The following AKNA variants were observed in gnomAD, a reference collection of about 807,000 sequenced individuals.
AKNA encodes microtubule organization protein AKNA.
A neutral mutation model predicts 138.8 loss-of-function variants in AKNA; 67 were observed. The observed-to-expected ratio is 0.48, with a 90% CI of 0.40 to 0.59. AKNA has a LOEUF of 0.59. Among genes scored for constraint, AKNA ranks in the 20% least tolerant of loss-of-function variants. AKNA has a pLI of 0.00. For synonymous variants in AKNA, 737 were observed against 754.4 expected (o/e 0.98, Z 0.38); for missense variants, 1,813 against 1,880.4 (o/e 0.96, Z 0.66).
intron 4 of AKNA, among the ~76,000 whole-genome samples, chr9:114,372,755 G>A (rs1832866771): frequency 6.6e-6 from 1 of 152,178 alleles, no homozygotes; most frequent in Non-Finnish European, 1.5e-5. Context: ...GGTTTCCCCA[G>A]AGAGGATGAC....
chr9:114,372,762 T>G (rs945908364), intron 4 of AKNA, among the ~76,000 whole-genome samples: 7 of 152,182 alleles, frequency 4.6e-5, no homozygotes, highest in African/African-American at 1.7e-4. Context: ...CCAGAGAGGA[T>G]GACCTAACAA....
rs1415047393 is a variant in AKNA, at chr9:114,335,933, G to A, written c.*1121C>T. On this transcript the variant is annotated 3_prime_UTR_variant, in exon 22 of 22. Transcript: ENST00000374088. ...CTTGGCTAGGCAGCCCCACCTCAAGGCCCTCCGCAGTTGAAAGATTTATGG... is the reference window on the plus strand; with the variant it reads ...CTTGGCTAGGCAGCCCCACCTCAAGACCCTCCGCAGTTGAAAGATTTATGG... The A allele has an allele frequency of 6.6e-6, 1 of 152,222 alleles. No individual in the cohort carries two copies. Among genetic ancestry groups the A allele is most frequent in the Non-Finnish European group, 1.5e-5 (1 of 68,080 alleles). The allele number at this position is 152,222 out of a possible 1,614,324, so 9.4% of individuals were successfully genotyped here. A position where few individuals can be genotyped will look rare whatever the true frequency, so the allele number is the denominator to read the frequency against.
intron 21 of AKNA, among the ~76,000 whole-genome samples, chr9:114,339,282 G>A (rs1564613441): frequency 6.6e-6 from 1 of 152,162 alleles, no homozygotes; most frequent in Non-Finnish European, 1.5e-5. Context: ...CTGCCCAGCA[G>A]GGGGCAGCAC....
At position 114,377,398 on chromosome 9, in the gene AKNA, C is replaced by G. The variant is rs773038252; in HGVS notation, c.409G>C (p.Ala137Pro). 14 of 1,613,758 alleles carry G rather than the reference C, an allele frequency of 8.7e-6. No individual in the cohort carries two copies. The highest frequency in any genetic ancestry group is 1.2e-5 in the Non-Finnish European group (14 of 1,179,956). Residue 137 changes from alanine (A) to proline (P), a missense_variant, in exon 3 of 22, where the codon GCT becomes CCT. Coordinates refer to ENST00000374088, the MANE Select transcript of AKNA (RefSeq NM_001317950.2). The part of the protein sequence containing the change: ...GTLGSLEVEE[A>P]GESSSRLGYE... ...CCCAACCTTGAGGAGCTCTCTCCAG[C>G]CTCCTCAACCTCCAGACTTCCGAGG...
At chr9:114,348,694 A>G (rs1413649936) in intron 15 of AKNA, among the ~76,000 whole-genome samples, 6 of 152,228 alleles carry the variant, frequency 3.9e-5, no homozygotes, top group African/African-American at 1.4e-4. Flanking sequence ...CTGCATCTTC[A>G]GGGTCTTGTT....
intron 2 of AKNA, 122 bp from the exon 3 acceptor site, chr9:114,377,654 C>A: frequency 9.7e-7 from 1 of 1,030,022 alleles, no homozygotes; most frequent in Non-Finnish European, 1.4e-6. Context: ...GGAAAGAATC[C>A]CAAGGTGGTG....
chr9:114,343,703 C>G lies in AKNA; in HGVS notation c.3757+5G>C. 1.2e-6 allele frequency: 2 copies of G among 1,614,208 alleles called. No homozygotes were observed. The highest frequency in any genetic ancestry group is 1.7e-6 in the Non-Finnish European group (2 of 1,179,992). On this transcript the variant is annotated splice_donor_5th_base_variant and intron_variant, in intron 19 of 21. Transcript: ENST00000374088. ...TGGGCCAGTTTTCCAGGTGCCATTCCTTACCCGCATCCTGGGTCCTAATGG... is the reference window on the plus strand; with the variant it reads ...TGGGCCAGTTTTCCAGGTGCCATTCGTTACCCGCATCCTGGGTCCTAATGG...
chr9:114,362,452 G>A lies in AKNA; in HGVS notation c.1870C>T (p.Pro624Ser). Residue 624 changes from proline to serine, a missense_variant, in exon 8 of 22, where the codon CCG becomes TCG. Coordinates refer to ENST00000374088, the MANE Select transcript of AKNA (RefSeq NM_001317950.2). ...GGCGTCCCCTTGGAGCCGGCAAGCGGCTGGGCAGGGTGTTGCTCCCGACAA... is the reference window on the plus strand; with the variant it reads ...GGCGTCCCCTTGGAGCCGGCAAGCGACTGGGCAGGGTGTTGCTCCCGACAA... ...KACREQHPAQ[P>S]LAGSKGTPGR... is the part of the protein sequence containing the mutation. 3.7e-6 allele frequency: 6 copies of A among 1,613,084 alleles called. No individual in the cohort carries two copies. Among genetic ancestry groups the A allele is most frequent in the Non-Finnish European group, 5.1e-6 (6 of 1,179,632 alleles).
In AKNA at chr9:114,365,392, A is replaced by G. The variant is rs1401892790; in HGVS notation, c.1729-773T>C. On this transcript the variant is annotated intron_variant, in intron 6 of 21. Transcript: ENST00000374088. Reference sequence around the variant, plus strand: ...TGAACATTTTTGCATGGGTTGGAGGAAAGATTTAGTTTTTGCTCAATATGC... The same window carrying G: ...TGAACATTTTTGCATGGGTTGGAGGGAAGATTTAGTTTTTGCTCAATATGC... Among the ~76,000 whole-genome samples the G allele has an allele frequency of 3.3e-5, 5 of 152,286 alleles. No individual in the cohort carries two copies. In the South Asian group the frequency reaches 6.2e-4, roughly 19 times the overall value.
intron 15 of AKNA, among the ~76,000 whole-genome samples, 155 bp downstream of exon 15, chr9:114,350,704 T>C (rs1355268751): frequency 6.6e-6 from 1 of 152,160 alleles, no homozygotes; most frequent in Non-Finnish European, 1.5e-5. Context: ...ACAGAAACGC[T>C]GGGAACTGGG....
rs1001915500 is a variant in AKNA at position 114,342,190 on chromosome 9, T to C, written c.3758-65A>G. 21 of 1,238,172 alleles carry C rather than the reference T, an allele frequency of 1.7e-5. No individual in the cohort carries two copies. The East Asian group carries it at 1.8e-4, about 10-fold the overall frequency. 76.7% of individuals were successfully genotyped at this position (1,238,172 alleles called of 1,614,324 possible). A position where few individuals can be genotyped will look rare whatever the true frequency, so the allele number is the denominator to read the frequency against. On this transcript the variant is annotated intron_variant, in intron 19 of 21. Transcript: ENST00000374088. ...TAAATCATCAGATCAGGAGCCCCCA[T>C]GCAGGCCTTCTGCAGCACTGAGCTC...
intron 1 of AKNA, among the ~76,000 whole-genome samples, chr9:114,381,973 TGA>T: frequency 6.6e-6 from 1 of 152,312 alleles, no homozygotes; most frequent in East Asian, 1.9e-4. Flanking sequence ...ATAAACTAGA[TGA>T]GACACAGGAT....
chr9:114,364,898 C>T (rs1832231956), intron 6 of AKNA, among the ~76,000 whole-genome samples: 1 of 152,146 alleles, frequency 6.6e-6, no homozygotes, highest in Admixed American at 6.5e-5. Flanking sequence ...TTTACTGCAG[C>T]ATGAACAGTA....
chr9:114,361,672 G>T (rs769548528), intron 9 of AKNA, 32 bp downstream of exon 9: 3 of 1,608,760 alleles, frequency 1.9e-6, no homozygotes, highest in Non-Finnish European at 1.7e-6. Flanking sequence ...ATGCACGAGG[G>T]AACAGCCCAA....
At position 114,377,333 on chromosome 9, in the gene AKNA, G is replaced by A. The variant is rs369526367; in HGVS notation, c.474C>T (p.Thr158=). The part of the protein sequence containing the change: ...AGLSLEGHGN[T]SPMALGHGQA... Reference sequence around the variant, plus strand: ...GACCATGCCCAAGAGCCATGGGGCTGGTGTTTCCATGGCCTTCCAAGCTGA... The same window carrying A: ...GACCATGCCCAAGAGCCATGGGGCTAGTGTTTCCATGGCCTTCCAAGCTGA... Residue 158 remains threonine (T), a synonymous_variant, in exon 3 of 22, where the codon ACC becomes ACT. Coordinates refer to ENST00000374088, the MANE Select transcript of AKNA (RefSeq NM_001317950.2). The A allele has an allele frequency of 3.5e-5, 57 of 1,613,944 alleles. No individual in the cohort carries two copies. The highest frequency in any genetic ancestry group is 4.3e-5 in the Non-Finnish European group (51 of 1,179,990).
At position 114,367,546 on chromosome 9, in the gene AKNA, G is replaced by T; in HGVS notation, c.1725C>A (p.Ala575=). The T allele has an allele frequency of 4.3e-6, 7 of 1,613,136 alleles. No homozygotes were observed. Among genetic ancestry groups the T allele is most frequent in the Non-Finnish European group, 5.9e-6 (7 of 1,179,926 alleles). ...ALASQASQFL[A]KVESFERLIQ... is the part of the protein sequence containing the mutation. Reference sequence around the variant, plus strand: ...GCAAAGCTGGGAGTCCACTCACCTTGGCCAGGAACTGGCTGGCCTGAGAAG... The same window carrying T: ...GCAAAGCTGGGAGTCCACTCACCTTTGCCAGGAACTGGCTGGCCTGAGAAG... The change falls in exon 6 of 22, where the codon GCC becomes GCA. Residue 575 remains alanine (A), a synonymous_variant. Transcript: ENST00000374088.
chr9:114,394,604 G>A (rs748282895), upstream of AKNA, among the ~76,000 whole-genome samples: 3 of 152,210 alleles, frequency 2.0e-5, no homozygotes, highest in Non-Finnish European at 2.9e-5. Context: ...AGCAATCAGC[G>A]CCCAGCCTCA....
chr9:114,340,692 G>A (rs1488621761), intron 21 of AKNA, among the ~76,000 whole-genome samples: 2 of 152,170 alleles, frequency 1.3e-5, no homozygotes, highest in African/African-American at 4.8e-5. Context: ...GGGCAGATGG[G>A]ACTCCACGGT....
At position 114,377,208 on chromosome 9, in the gene AKNA, G is replaced by A. The variant is rs776710866; in HGVS notation, c.599C>T (p.Ser200Phe). 10 of 1,614,104 alleles carry A rather than the reference G, an allele frequency of 6.2e-6. No homozygotes were observed. The South Asian group carries it at 6.6e-5, about 11-fold the overall frequency. ...NPSVELSPAR[S>F]WSSGTVSLDH... ...GAGGCTCACTGTCCCACTGCTCCAG[G>A]ACCTTGCCGGGCTGAGTTCAACGGA... Residue 200 changes from serine to phenylalanine, a missense_variant, in exon 3 of 22, where the codon TCC becomes TTC. By Grantham distance (155) the Ser-to-Phe change is radical. Coordinates refer to ENST00000374088, the MANE Select transcript of AKNA (RefSeq NM_001317950.2).
Sources: allele counts gnomAD v4.1 joint callset (sites outside exome capture counted in the v4.1 genomes callset), GRCh38; gene constraint gnomAD v4.1.1; transcripts MANE v1.5; gene names NCBI Gene and HGNC (gene_info 2026-07-23, HGNC 2026-07-21).